SNX29: variants seen among roughly 807,000 people sequenced by gnomAD.
SNX29 encodes the protein sorting nexin-29.
A neutral mutation model predicts 102.1 loss-of-function variants in SNX29; 78 were observed. The ratio of observed to expected loss-of-function variants is 0.76; its 90% CI spans 0.64 to 0.92. SNX29 has a LOEUF of 0.92. SNX29 is among the 40% of genes least tolerant of loss of function. The pLI is 0.00. For synonymous variants in SNX29, 580 were observed against 414.5 expected (o/e 1.40, Z -4.85); for missense variants, 1,280 against 1,061.7 (o/e 1.21, Z -2.86).
intron 18 of SNX29, among the ~76,000 whole-genome samples, chr16:12,463,033 C>T (rs555560415): frequency 6.1e-4 from 93 of 152,334 alleles, no homozygotes; most frequent in African/African-American, 2.0e-3. Context: ...AGCTGCCTCA[C>T]GTGGACTCAG....
chr16:12,175,460 C>T (rs2076238812), intron 13 of SNX29, among the ~76,000 whole-genome samples: 1 of 151,930 alleles, frequency 6.6e-6, no homozygotes, highest in Non-Finnish European at 1.5e-5. Context: ...GAAACCCCTT[C>T]TCTGCTAAAA....
At chr16:12,196,070 G>A (rs145175463) in intron 13 of SNX29, among the ~76,000 whole-genome samples, 3 of 140,736 alleles carry the variant, frequency 2.1e-5, no homozygotes, top group Non-Finnish European at 3.0e-5. Context: ...CCACCTCCCC[G>A]GCTCAAACGA....
chr16:12,218,143 G>A (rs183801099), intron 14 of SNX29, among the ~76,000 whole-genome samples: 3 of 152,350 alleles, frequency 2.0e-5, no homozygotes, highest in Admixed American at 2.0e-4. Context: ...AGTGGAAGTA[G>A]ACACTGGAGC....
chr16:12,195,088 G>C (rs1432188210), intron 13 of SNX29, among the ~76,000 whole-genome samples: 1 of 152,210 alleles, frequency 6.6e-6, no homozygotes, highest in Non-Finnish European at 1.5e-5. Flanking sequence ...CATGTAAATA[G>C]ATATAAGGGG....
chr16:12,143,494 G>C (rs1279980695), intron 13 of SNX29, among the ~76,000 whole-genome samples: 1 of 152,116 alleles, frequency 6.6e-6, no homozygotes, highest in East Asian at 1.9e-4. Context: ...GTCATGCAAG[G>C]GCTTCCACCG....
At chr16:12,514,820 G>A (rs558997961) in intron 19 of SNX29, among the ~76,000 whole-genome samples, 1 of 151,946 alleles carries the variant, frequency 6.6e-6, no homozygotes. Context: ...AGCCGAGATT[G>A]TGCCACTGCA....
intron 14 of SNX29, among the ~76,000 whole-genome samples, chr16:12,270,295 C>G (rs780735914): frequency 3.3e-5 from 5 of 152,154 alleles, no homozygotes; most frequent in African/African-American, 7.2e-5. Context: ...ACAATTGATT[C>G]TTTACGAATT....
chr16:12,383,763 G>A (rs866466209), intron 16 of SNX29, among the ~76,000 whole-genome samples: 1 of 138,988 alleles, frequency 7.2e-6, no homozygotes, highest in Non-Finnish European at 1.5e-5. Flanking sequence ...AAAAAGATAC[G>A]TCAACTTTCT....
chr16:12,133,212 C>G (rs191576), intron 13 of SNX29, among the ~76,000 whole-genome samples: 1 of 149,206 alleles, frequency 6.7e-6, no homozygotes, highest in Non-Finnish European at 1.5e-5. Context: ...GACCATGGCT[C>G]TCCTGCTTAC....
At chr16:12,297,268 G>A (rs1219088156) in intron 15 of SNX29, 1 of 152,346 alleles carries the variant, frequency 6.6e-6, no homozygotes, top group Non-Finnish European at 1.5e-5. Flanking sequence ...GGAGGCTCTG[G>A]GCCTTGAATC....
chr16:12,545,491 T>G (rs1198403143), intron 20 of SNX29: 4 of 152,258 alleles, frequency 2.6e-5, no homozygotes, highest in African/African-American at 9.6e-5. Flanking sequence ...CCTGCAACTG[T>G]GGCAAGACCG....
rs79906403 is a variant in SNX29 at position 12,549,134 on chromosome 16, T to C, written c.2319-19372T>C. On this transcript the variant is annotated intron_variant, in intron 20 of 20. Transcript: ENST00000566228. ...ACATAGCAGATGGAAAATTCTGGGG[T>C]AGTTTTGATTTAGCAGTTATCACAT... 4.5e-3 allele frequency among the ~76,000 whole-genome samples: 678 copies of C among 152,176 alleles called. 3 individuals are homozygous for C. The highest frequency in any genetic ancestry group is 7.4e-3 in the Non-Finnish European group (501 of 68,002).
At chr16:12,421,948 CCAT>C (rs1166078609) in intron 18 of SNX29, among the ~76,000 whole-genome samples, 1 of 150,906 alleles carries the variant, frequency 6.6e-6, no homozygotes, top group African/African-American at 2.4e-5. Flanking sequence ...TCATCCATCA[CCAT>C]CATCAACCAC....
chr16:12,392,163 T>C lies in SNX29; in HGVS notation c.1900-6283T>C, dbSNP rs943779993. Among the ~76,000 whole-genome samples, 4 of 152,238 alleles carry C rather than the reference T, an allele frequency of 2.6e-5. No individual in the cohort carries two copies. In the East Asian group the frequency reaches 7.7e-4, roughly 29 times the overall value. ...CTAGCTTTTGTCATTTGACATTATA[T>C]CTTAGAGATCTCCTCCTCTTTAGAG... On this transcript the variant is annotated intron_variant, in intron 16 of 20. Transcript: ENST00000566228.
intron 15 of SNX29, among the ~76,000 whole-genome samples, chr16:12,308,261 A>G (rs2080408231): frequency 6.6e-6 from 1 of 152,168 alleles, no homozygotes; most frequent in South Asian, 2.1e-4. Flanking sequence ...CATTCCACAG[A>G]ATCACCTGCT....
rs559011966 is a variant in SNX29, at chr16:12,375,809, T to C, written c.1899+19530T>C. The C allele has an allele frequency of 2.0e-5, 3 of 151,510 alleles. No homozygotes were observed. The East Asian group carries it at 5.8e-4, about 29-fold the overall frequency. The allele number at this position is 151,510 out of a possible 1,614,324, so 9.4% of individuals were successfully genotyped here. Reference sequence around the variant, plus strand: ...GCATTTTGGGAGGCTAAGGTGGGGGTGCATTTGAGGTCAGGAGTTCGAGAC... The same window carrying C: ...GCATTTTGGGAGGCTAAGGTGGGGGCGCATTTGAGGTCAGGAGTTCGAGAC... On this transcript the variant is annotated intron_variant, in intron 16 of 20. Transcript: ENST00000566228.
intron 18 of SNX29, among the ~76,000 whole-genome samples, chr16:12,472,217 G>A (rs1286980245): frequency 7.4e-6 from 1 of 135,320 alleles, no homozygotes; most frequent in Non-Finnish European, 1.6e-5. Flanking sequence ...TTCCGTTTAG[G>A]TCAAGTTCAA....
chr16:12,132,655 C>T (rs1282193616), intron 13 of SNX29, among the ~76,000 whole-genome samples: 1 of 152,136 alleles, frequency 6.6e-6, no homozygotes, highest in Non-Finnish European at 1.5e-5. Flanking sequence ...TAGTGCATGA[C>T]AATTGTTGGG....
At chr16:12,526,084 T>TA (rs1034687676) in intron 20 of SNX29, among the ~76,000 whole-genome samples, 1 of 152,182 alleles carries the variant, frequency 6.6e-6, no homozygotes, top group Non-Finnish European at 1.5e-5. Context: ...ACACAAAACG[T>TA]AAAAATCCAT....
Sources: gnomAD v4.1 joint callset for allele counts (sites outside exome capture counted in the v4.1 genomes callset) on GRCh38, gnomAD v4.1.1 for gene constraint, MANE v1.5 for transcripts, NCBI Gene and HGNC (gene_info 2026-07-23, HGNC 2026-07-21) for gene names.